CYP4F11: variants seen among roughly 807,000 people sequenced by gnomAD.
CYP4F11 encodes cytochrome P450 family 4 subfamily F member 11, also known as cytochrome P450 4F11.
CYP4F11 carries 79 observed loss-of-function variants against 62.2 expected under a neutral mutation model. The ratio of observed to expected loss-of-function variants is 1.27; its 90% CI spans 1.06 to 1.53. The LOEUF (loss-of-function observed/expected upper bound fraction) is 1.53. Among genes scored for constraint, CYP4F11 ranks in the 40% most tolerant of loss-of-function variants. CYP4F11 has a pLI of 0.00. For missense variants in CYP4F11, 777 were observed against 680.5 expected, an observed-to-expected ratio of 1.14 and a Z score of -1.58; for synonymous variants, 290 against 263.7, an observed-to-expected ratio of 1.10 and a Z score of -0.97.
intron 8 of CYP4F11, among the ~76,000 whole-genome samples, chr19:15,919,327 T>C (rs1466895249): frequency 6.7e-6 from 1 of 149,200 alleles, no homozygotes; most frequent in Admixed American, 6.8e-5. Context: ...TATATGGAAA[T>C]AGATGATATA....
intron 8 of CYP4F11, among the ~76,000 whole-genome samples, chr19:15,916,649 C>A (rs1270292232): frequency 6.6e-6 from 1 of 152,060 alleles, no homozygotes; most frequent in Non-Finnish European, 1.5e-5. Context: ...AGAAAATGTA[C>A]AAACGGTGAA....
chr19:15,924,931 C>G (rs1167573216), intron 4 of CYP4F11, 49 bp from the exon 5 acceptor site: 1 of 1,574,426 alleles, frequency 6.4e-7, no homozygotes, highest in African/African-American at 1.4e-5. Context: ...CTCCTGGGAG[C>G]ACCTTCCCAG....
intron 8 of CYP4F11, among the ~76,000 whole-genome samples, chr19:15,915,505 A>G (rs1305938390): frequency 6.6e-6 from 1 of 152,232 alleles, no homozygotes; most frequent in East Asian, 1.9e-4. Flanking sequence ...TTTAAAAACT[A>G]TAAAACATCC....
intron 10 of CYP4F11, 54 bp downstream of exon 10, chr19:15,914,548 C>T (rs948989304): frequency 2.8e-5 from 45 of 1,606,408 alleles, no homozygotes; most frequent in African/African-American, 2.7e-4. Flanking sequence ...CCTGTCACCT[C>T]CTCTAGGAAC....
chr19:15,931,431 G>C (rs985633819), intron 1 of CYP4F11, among the ~76,000 whole-genome samples: 1 of 151,828 alleles, frequency 6.6e-6, no homozygotes. Context: ...GAGACCCTCA[G>C]AGGTGCAGTA....
In CYP4F11 at chr19:15,912,695, A is replaced by ATGTG. The variant is rs1423004116; in HGVS notation, c.*1036_*1037insCACA. ...AAAAAAAAAAAATATATATATATAT[A>ATGTG]TATGTGTGTGTGTGTGTGTGTGTGT... On this transcript the variant is annotated 3_prime_UTR_variant, in exon 12 of 12. Transcript: ENST00000402119. 26 of 41,416 alleles carry ATGTG rather than the reference A, an allele frequency of 6.3e-4. No homozygotes were observed. In the East Asian group the frequency reaches 6.7e-3, roughly 11 times the overall value. 2.6% of individuals were successfully genotyped at this position (41,416 alleles called of 1,614,324 possible).
In CYP4F11 at chr19:15,928,422, C is replaced by T. The variant is rs556029879; in HGVS notation, c.344-939G>A. On this transcript the variant is annotated intron_variant, in intron 2 of 11. Transcript: ENST00000402119. ...GGGCTTCTGAGACTCATCGTTGACA[C>T]CATATGAAAAGGCAAAGTGACACAG... 3.7e-4 allele frequency among the ~76,000 whole-genome samples: 56 copies of T among 152,246 alleles called. 1 individual carries two copies. In the South Asian group the frequency reaches 0.011, roughly 29 times the overall value.
intron 8 of CYP4F11, among the ~76,000 whole-genome samples, 171 bp from the exon 9 acceptor site, chr19:15,915,066 A>T (rs1331857797): frequency 6.6e-6 from 1 of 152,248 alleles, no homozygotes; most frequent in Non-Finnish European, 1.5e-5. Context: ...AAAATTAGAA[A>T]AGTACCAGAA....
At chr19:15,925,522 G>A (rs57494075) in intron 4 of CYP4F11, among the ~76,000 whole-genome samples, 2,562 of 151,920 alleles carry the variant, frequency 0.017, 64 homozygotes, top group African/African-American at 0.057. Flanking sequence ...TCAGGGGTTT[G>A]GGGACAAGGG....
At chr19:15,929,136 T>C (rs998175597) in intron 2 of CYP4F11, among the ~76,000 whole-genome samples, 3 of 152,232 alleles carry the variant, frequency 2.0e-5, no homozygotes, top group African/African-American at 4.8e-5. Context: ...TGCCAATTCC[T>C]GACTCCACGA....
Position 15,923,979 on chromosome 19 carries a change from G to A in CYP4F11, c.751C>T (p.Pro251Ser), listed in dbSNP as rs147948717. 6.2e-7 allele frequency: 1 copy of A among 1,614,202 alleles called. No individual in the cohort carries two copies. The highest frequency in any genetic ancestry group is 1.7e-5 in the Admixed American group (1 of 60,028). ...LHTDFLYYLT[P>S]DGQRFRRACH... ...GCCCTGCGGAAGCGCTGCCCATCAG[G>A]AGTGAGATAATACAGGAAGTCCGTG... The change falls in exon 6 of 12, where the codon CCT becomes TCT. Residue 251 changes from proline (P) to serine (S), a missense_variant. Physicochemically the swap from Pro to Ser is moderately conservative, Grantham distance 74. Coordinates refer to ENST00000402119, the MANE Select transcript of CYP4F11 (RefSeq NM_021187.4).
intron 1 of CYP4F11, among the ~76,000 whole-genome samples, chr19:15,931,614 GAGTGAGCGAGGAGAGGAA>G (rs1568257489): frequency 4.2e-5 from 4 of 95,292 alleles, no homozygotes; most frequent in Non-Finnish European, 8.4e-5. Context: ...GGAGAGGAAT[GAGTGAGCGAGGAGAGGAA>G]TGAGTGAGCG....
chr19:15,922,259 G>GGGA (rs1475602456), intron 7 of CYP4F11, 93 bp from the exon 8 acceptor site: 1 of 1,599,740 alleles, frequency 6.3e-7, no homozygotes, highest in African/African-American at 1.3e-5. Flanking sequence ...GGAGAATGTA[G>GGGA]GGAGGAGGAG....
chr19:15,927,566 G>T (rs2089680262), intron 2 of CYP4F11, 83 bp from the exon 3 acceptor site: 2 of 1,579,594 alleles, frequency 1.3e-6, no homozygotes, highest in South Asian at 1.1e-5. Context: ...CCAGCCAGGG[G>T]TGTGCACTTC....
intron 8 of CYP4F11, among the ~76,000 whole-genome samples, chr19:15,921,247 T>A (rs2089626870): frequency 6.6e-6 from 1 of 152,212 alleles, no homozygotes; most frequent in South Asian, 2.1e-4. Context: ...CATCTATTCA[T>A]GTCTTTTAGA....
In CYP4F11 at chr19:15,912,680, A is replaced by AAAAAAAAAAAAATATAT. The variant is rs59091525; in HGVS notation, c.*1051_*1052insATATATTTTTTTTTTTT. On this transcript the variant is annotated 3_prime_UTR_variant, in exon 12 of 12. Transcript: ENST00000402119. ...TCACCATCCTCAGGAAAAAAAAAAA[A>AAAAAAAAAAAAATATAT]ATATATATATATATATATGTGTGTG... 4 of 66,170 alleles carry AAAAAAAAAAAAATATAT rather than the reference A, an allele frequency of 6.0e-5. 1 individual carries two copies. Among genetic ancestry groups the AAAAAAAAAAAAATATAT allele is most frequent in the African/African-American group, 2.6e-4 (4 of 15,508 alleles). The allele number at this position is 66,170 out of a possible 1,614,324, so 4.1% of individuals were successfully genotyped here. A position where few individuals can be genotyped will look rare whatever the true frequency, so the allele number is the denominator to read the frequency against.
chr19:15,914,466 G>C (rs369257337), intron 10 of CYP4F11, 79 bp from the exon 11 acceptor site: 2 of 1,555,140 alleles, frequency 1.3e-6, no homozygotes, highest in Non-Finnish European at 1.8e-6. Context: ...CAAGACCCCC[G>C]GCCTTGGAGA....
At chr19:15,934,648 A>C, upstream of CYP4F11, 3 of 459,228 alleles carry the variant, frequency 6.5e-6, no homozygotes, top group South Asian at 3.0e-5. Flanking sequence ...TAGAATCCAA[A>C]AAGGCCCAGC....
At chr19:15,934,157 C>A (rs576640673) in intron 1 of CYP4F11, 54 bp downstream of exon 1, 2 of 1,594,162 alleles carry the variant, frequency 1.3e-6, no homozygotes, top group South Asian at 2.2e-5. Context: ...ATTCCTGCCC[C>A]TCAGGAACTC....
Sources: allele counts gnomAD v4.1 joint callset (sites outside exome capture counted in the v4.1 genomes callset), GRCh38; gene constraint gnomAD v4.1.1; transcripts MANE v1.5; gene names NCBI Gene and HGNC (gene_info 2026-07-23, HGNC 2026-07-21).